Variants in CEP112 observed in about 807,000 individuals in gnomAD.
The protein encoded by CEP112 is centrosomal protein of 112 kDa.
Under a neutral mutation model 153.0 loss-of-function variants are expected in CEP112, and 127 were observed. The ratio of observed to expected loss-of-function variants is 0.83; its 90% CI spans 0.72 to 0.96. The LOEUF is 0.96. Ranked by LOEUF, CEP112 falls within the 40% of genes least tolerant of loss-of-function variation. CEP112 has a pLI of 0.00. For missense variants in CEP112, 1,089 were observed against 1,101.2 expected (o/e 0.99, Z 0.16); for synonymous variants, 358 against 374.4 (o/e 0.96, Z 0.51).
At chr17:65,980,091 T>A (rs897585044) in intron 17 of CEP112, among the ~76,000 whole-genome samples, 1 of 152,192 alleles carries the variant, frequency 6.6e-6, no homozygotes, top group African/African-American at 2.4e-5. Flanking sequence ...GGTCTCTCGA[T>A]ACAGACCATT....
intron 20 of CEP112, among the ~76,000 whole-genome samples, chr17:65,900,355 GAGGTCATATAGTCCTCATACTT>G (rs899913221): frequency 2.0e-5 from 3 of 152,108 alleles, no homozygotes; most frequent in African/African-American, 7.2e-5. Flanking sequence ...AGCATTTGAG[GAGGTCATATAGTCCTCATACTT>G]AATGTTTCAA....
chr17:65,851,139 A>G (rs1408149714), intron 21 of CEP112, among the ~76,000 whole-genome samples: 1 of 152,218 alleles, frequency 6.6e-6, no homozygotes, highest in Non-Finnish European at 1.5e-5. Context: ...TCCCAAGATA[A>G]AGACTGGTCT....
At chr17:65,812,106 C>T (rs1223808073) in intron 21 of CEP112, among the ~76,000 whole-genome samples, 3 of 152,024 alleles carry the variant, frequency 2.0e-5, no homozygotes, top group African/African-American at 4.8e-5. Context: ...CGGGTTCATG[C>T]CATTCTCCTG....
rs372357468 is a variant in CEP112 at position 65,965,210 on chromosome 17, A to G, written c.1737-3612T>C. Among the ~76,000 whole-genome samples the G allele has an allele frequency of 2.0e-5, 3 of 152,222 alleles. No individual in the cohort carries two copies. In the East Asian group the frequency reaches 5.8e-4, roughly 29 times the overall value. On this transcript the variant is annotated intron_variant, in intron 17 of 26. Coordinates refer to ENST00000535342, the MANE Select transcript of CEP112 (RefSeq NM_001199165.4). ...TTATGACCACATAAATCAAAGTCAT[A>G]AACTTTAGCTATCCGTCAGATAATT...
At chr17:66,017,257 A>G (rs2145582331) in intron 16 of CEP112, among the ~76,000 whole-genome samples, 1 of 152,280 alleles carries the variant, frequency 6.6e-6, no homozygotes, top group Non-Finnish European at 1.5e-5. Context: ...TTCACCTCTG[A>G]CAAGTTCTTA....
intron 21 of CEP112, among the ~76,000 whole-genome samples, chr17:65,825,196 G>A (rs894085221): frequency 6.6e-6 from 1 of 152,240 alleles, no homozygotes; most frequent in Non-Finnish European, 1.5e-5. Flanking sequence ...GGATGAACTT[G>A]AAGACATTAT....
At chr17:65,857,810 T>C (rs935880616) in intron 20 of CEP112, among the ~76,000 whole-genome samples, 3 of 152,182 alleles carry the variant, frequency 2.0e-5, no homozygotes, top group Non-Finnish European at 4.4e-5. Context: ...AAAGAATCAG[T>C]ATAAGATGAG....
chr17:65,775,187 GAGAGAGCGAGCCA>G (rs1210495165), intron 21 of CEP112, among the ~76,000 whole-genome samples: 2 of 152,132 alleles, frequency 1.3e-5, no homozygotes, highest in Middle Eastern at 3.4e-3. Context: ...TAGGCCTAAA[GAGAGAGCGAGCCA>G]ACTGGGCCTG....
chr17:65,799,108 A>G (rs2055107728), intron 21 of CEP112, among the ~76,000 whole-genome samples: 1 of 152,224 alleles, frequency 6.6e-6, no homozygotes, highest in Non-Finnish European at 1.5e-5. Context: ...ATGATAATGT[A>G]GTATTTAATT....
At chr17:66,039,849 G>A (rs1036857588) in intron 12 of CEP112, among the ~76,000 whole-genome samples, 2 of 151,978 alleles carry the variant, frequency 1.3e-5, no homozygotes, top group African/African-American at 2.4e-5. Flanking sequence ...AACTTTTTGG[G>A]GTCAGGCTTC....
intron 19 of CEP112, among the ~76,000 whole-genome samples, chr17:65,910,157 T>C (rs1027753377): frequency 4.6e-5 from 7 of 152,124 alleles, no homozygotes; most frequent in Admixed American, 4.6e-4. Context: ...CCAGTATCAG[T>C]TTCTCTGACA....
At chr17:65,841,067 T>C (rs1212529874) in intron 21 of CEP112, among the ~76,000 whole-genome samples, 1 of 152,060 alleles carries the variant, frequency 6.6e-6, no homozygotes, top group African/African-American at 2.4e-5. Context: ...CAAATTAGTA[T>C]AGTCACTATA....
intron 8 of CEP112, among the ~76,000 whole-genome samples, chr17:66,082,582 G>T (rs1212494829): frequency 6.6e-6 from 1 of 152,148 alleles, no homozygotes; most frequent in East Asian, 1.9e-4. Context: ...GGCCAACATG[G>T]CAAAACCCTG....
chr17:65,683,982 A>C (rs1292820735), intron 24 of CEP112, among the ~76,000 whole-genome samples: 1 of 152,142 alleles, frequency 6.6e-6, no homozygotes, highest in Non-Finnish European at 1.5e-5. Flanking sequence ...CAGAGGTTGC[A>C]GTGAGCCAAG....
At chr17:66,003,374 C>T (rs894905890) in intron 17 of CEP112, among the ~76,000 whole-genome samples, 3 of 152,108 alleles carry the variant, frequency 2.0e-5, no homozygotes. Flanking sequence ...CTACCAGCAC[C>T]ACTAAAAGAT....
At chr17:65,959,232 G>T (rs911600042) in intron 18 of CEP112, among the ~76,000 whole-genome samples, 1 of 152,080 alleles carries the variant, frequency 6.6e-6, no homozygotes, top group Non-Finnish European at 1.5e-5. Context: ...CTGCAGAGAT[G>T]ATGGGACTAC....
chr17:65,795,581 G>A (rs550513349), intron 21 of CEP112, among the ~76,000 whole-genome samples: 24 of 152,300 alleles, frequency 1.6e-4, no homozygotes, highest in African/African-American at 4.6e-4. Context: ...GGAGGCTGAG[G>A]CAGGAGGATC....
At chr17:65,962,999 G>C (rs1290365098) in intron 17 of CEP112, among the ~76,000 whole-genome samples, 2 of 152,148 alleles carry the variant, frequency 1.3e-5, no homozygotes, top group Non-Finnish European at 2.9e-5. Context: ...ACCAGTATAA[G>C]AGTGTTATTA....
At chr17:65,970,376 A>ATCATGCATGTAAATTACATGCACACC (rs2062651662) in intron 17 of CEP112, among the ~76,000 whole-genome samples, 1 of 66,944 alleles carries the variant, frequency 1.5e-5, no homozygotes, top group Non-Finnish European at 3.5e-5. Flanking sequence ...ACATGCACAC[A>ATCATGCATGTAAATTACATGCACACC]TCATGCATAT....
Sources: gnomAD v4.1 joint callset for allele counts (sites outside exome capture counted in the v4.1 genomes callset) on GRCh38, gnomAD v4.1.1 for gene constraint, MANE v1.5 for transcripts, NCBI Gene and HGNC (gene_info 2026-07-23, HGNC 2026-07-21) for gene names.